The following CHRNA1 variants were observed in gnomAD, a reference collection of about 807,000 sequenced individuals.
CHRNA1 encodes cholinergic receptor nicotinic alpha 1 subunit.
Under a neutral mutation model 47.1 loss-of-function variants are expected in CHRNA1, and 35 were observed. The ratio of observed to expected loss-of-function variants is 0.74; its 90% CI spans 0.57 to 0.99. The LOEUF (loss-of-function observed/expected upper bound fraction) is 0.99, where lower values mean the gene tolerates loss of function less well. Among genes scored for constraint, CHRNA1 ranks in the 50% least tolerant of loss-of-function variants. The pLI, the probability that CHRNA1 is intolerant of heterozygous loss-of-function variation, is 0.00. For synonymous variants in CHRNA1, 229 were observed against 223.6 expected, an observed-to-expected ratio of 1.02 and a Z score of -0.22; for missense variants, 506 against 591.1, an observed-to-expected ratio of 0.86 and a Z score of 1.49.
rs766019642 is a variant in CHRNA1, at chr2:174,754,309, GA to G, written c.449del (p.Ile150ThrfsTer15). 8.1e-6 allele frequency: 13 copies of G among 1,614,128 alleles called. No individual in the cohort carries two copies. Among genetic ancestry groups the G allele is most frequent in the Non-Finnish European group, 1.1e-5 (13 of 1,180,056 alleles). ...CATCAAAGGGAAAGTGGGTGACGATGATCTCACAGTAGCTTTTAAAGATGGC... is the reference window on the plus strand; with the variant it reads ...CATCAAAGGGAAAGTGGGTGACGATGTCTCACAGTAGCTTTTAAAGATGGC... ...PPAIFKSYCE[I>X]IVTHFPFDEQ... On this transcript the variant is annotated frameshift_variant, in exon 5 of 9. Coordinates refer to ENST00000348749, the MANE Select transcript of CHRNA1 (RefSeq NM_000079.4). LOFTEE classifies it high-confidence loss of function.
rs766527459 is a variant in CHRNA1, at chr2:174,748,085, T to C, written c.*39A>G. ...CCTCTCCTGCCCTTCTCTGCTCTGG[T>C]AGGTTCCAGGGCAGAGCTAAGCTCA... On this transcript the variant is annotated 3_prime_UTR_variant, in exon 9 of 9. Transcript: ENST00000348749. 1.2e-6 allele frequency: 2 copies of C among 1,612,710 alleles called. No homozygotes were observed.
At position 174,755,480 on chromosome 2, in the gene CHRNA1, C is replaced by T. The variant is rs1201435752; in HGVS notation, c.345-1066G>A. On this transcript the variant is annotated intron_variant, in intron 4 of 8. Transcript: ENST00000348749. ...TGTTGCCCAGGCTGGAGTGCAGTGG[C>T]GTGATATCGGCTCACTGCAAGCTCT... is the stretch of plus-strand genomic sequence containing the variant. Among the ~76,000 whole-genome samples the T allele has an allele frequency of 5.3e-5, 8 of 151,246 alleles. No individual in the cohort carries two copies. In the East Asian group the frequency reaches 1.4e-3, roughly 26 times the overall value.
chr2:174,755,232 C>T (rs35840379), intron 4 of CHRNA1, among the ~76,000 whole-genome samples: 2,553 of 152,036 alleles, frequency 0.017, 83 homozygotes, highest in African/African-American at 0.058. Context: ...GGGGTGGACT[C>T]ACAAACTCAG....
chr2:174,750,094 G>A lies in CHRNA1; in HGVS notation c.854C>T (p.Pro285Leu), dbSNP rs1683818340. ...VFLLVIVELI[P>L]STSSAVPLIG... ...CAAGGGCACAGCACTGGACGTGGAG[G>A]GGATCAGCTCCACGATGACCAGAAG... Residue 285 changes from proline to leucine, a missense_variant, in exon 7 of 9, where the codon CCC becomes CTC. Coordinates refer to ENST00000348749, the MANE Select transcript of CHRNA1 (RefSeq NM_000079.4). 6.2e-7 allele frequency: 1 copy of A among 1,613,652 alleles called. No individual in the cohort carries two copies. The highest frequency in any genetic ancestry group is 8.5e-7 in the Non-Finnish European group (1 of 1,179,948).
intron 4 of CHRNA1, among the ~76,000 whole-genome samples, chr2:174,755,498 C>A (rs1251693745): frequency 6.6e-6 from 1 of 151,782 alleles, no homozygotes; most frequent in South Asian, 2.1e-4. Flanking sequence ...CGGCTCACTG[C>A]AAGCTCTGTC....
intron 3 of CHRNA1, chr2:174,758,015 G>A (rs1027652973): frequency 2.5e-6 from 4 of 1,613,906 alleles, no homozygotes; most frequent in African/African-American, 1.3e-5. Flanking sequence ...GATCTACCAT[G>A]TCACCCTGTC....
chr2:174,759,835 C>T (rs1684067105), intron 1 of CHRNA1, among the ~76,000 whole-genome samples: 1 of 151,852 alleles, frequency 6.6e-6, no homozygotes, highest in African/African-American at 2.4e-5. Context: ...GGTCCCTTAC[C>T]CGGTGACAGT....
Position 174,748,622 on chromosome 2 carries a change from C to T in CHRNA1, c.1200G>A (p.Lys400=), listed in dbSNP as rs748978365. Residue 400 remains lysine (K), a synonymous_variant, in exon 8 of 9, where the codon AAG becomes AAA. Coordinates refer to ENST00000348749, the MANE Select transcript of CHRNA1 (RefSeq NM_000079.4). ...PEVKSAIEGI[K]YIAETMKSDQ... ...CTGACTTCATGGTCTCTGCGATGTA[C>T]TTGATGCCCTCGATGGCACTTTTCA... The T allele has an allele frequency of 6.2e-7, 1 of 1,614,112 alleles. No homozygotes were observed. The highest frequency in any genetic ancestry group is 2.2e-5 in the East Asian group (1 of 44,878).
intron 1 of CHRNA1, among the ~76,000 whole-genome samples, chr2:174,760,302 T>G (rs1328692907): frequency 1.3e-5 from 2 of 152,126 alleles, no homozygotes; most frequent in Non-Finnish European, 2.9e-5. Context: ...CAAGTGTCCA[T>G]CAACAGGTAA....
At position 174,750,155 on chromosome 2, in the gene CHRNA1, G is replaced by C. The variant is rs780531882; in HGVS notation, c.793C>G (p.Leu265Val). The change falls in exon 7 of 9, where the codon CTG (leucine) becomes GTG (valine). Residue 265 changes from leucine to valine, a missense_variant. Physicochemically the swap from Leu to Val is conservative, Grantham distance 32. Coordinates refer to ENST00000348749, the MANE Select transcript of CHRNA1 (RefSeq NM_000079.4). ...LPTDSGEKMT[L>V]SISVLLSLTV... is the part of the protein sequence containing the mutation. ...AAAGACAGTAAGACAGAGATGCTCAGAGTCATCTTCTCCCCTGAAAAGACC... is the reference window on the plus strand; with the variant it reads ...AAAGACAGTAAGACAGAGATGCTCACAGTCATCTTCTCCCCTGAAAAGACC... The C allele has an allele frequency of 1.9e-6, 3 of 1,603,256 alleles. No individual in the cohort carries two copies. The highest frequency in any genetic ancestry group is 2.2e-5 in the South Asian group (2 of 90,636).
Position 174,748,694 on chromosome 2 carries a change from C to A in CHRNA1, c.1128G>T (p.Gly376=), listed in dbSNP as rs1314296013. Residue 376 remains glycine (G), a synonymous_variant, in exon 8 of 9, where the codon GGG becomes GGT. Coordinates refer to ENST00000348749, the MANE Select transcript of CHRNA1 (RefSeq NM_000079.4). Reference sequence around the variant, plus strand: ...GAGAGTGGAAGCCCATGGGTGGAGGCCCTGGCTTTCCAGAAATGTCAGAGA... The same window carrying A: ...GAGAGTGGAAGCCCATGGGTGGAGGACCTGGCTTTCCAGAAATGTCAGAGA... The part of the protein sequence containing the change: ...IDISDISGKP[G]PPPMGFHSPL... 12 of 1,614,064 alleles carry A rather than the reference C, an allele frequency of 7.4e-6. No individual in the cohort carries two copies. Among genetic ancestry groups the A allele is most frequent in the Admixed American group, 6.7e-5 (4 of 60,004 alleles).
intron 8 of CHRNA1, 74 bp from the exon 9 acceptor site, chr2:174,748,329 C>G (rs960188332): frequency 6.3e-7 from 1 of 1,594,302 alleles, no homozygotes; most frequent in Admixed American, 1.7e-5. Context: ...TGCTTTGCAT[C>G]AACTATGGGC....
intron 6 of CHRNA1, among the ~76,000 whole-genome samples, chr2:174,752,253 A>G (rs1335100069): frequency 6.6e-6 from 1 of 151,762 alleles, no homozygotes. Flanking sequence ...AGTTGAAAGA[A>G]TTGTGTTTGT....
chr2:174,759,347 T>C lies in CHRNA1; in HGVS notation c.218A>G (p.Asn73Ser), dbSNP rs141121555. ...VDEVNQIVTT[N>S]VRLKQQWVDY... is the part of the protein sequence containing the mutation. ...CTAAGTTACCTGTTTCAGACGCACA[T>C]TGGTTGTCACGATCTGATTTACTTC... is the stretch of plus-strand genomic sequence containing the variant. The change falls in exon 3 of 9, where the codon AAT (asparagine) becomes AGT (serine). Residue 73 changes from asparagine (N) to serine (S), a missense_variant. Transcript: ENST00000348749. The C allele has an allele frequency of 6.2e-7, 1 of 1,614,036 alleles. No individual in the cohort carries two copies. The highest frequency in any genetic ancestry group is 8.5e-7 in the Non-Finnish European group (1 of 1,179,980).
intron 4 of CHRNA1, 122 bp from the exon 5 acceptor site, chr2:174,754,536 C>T (rs1380782421): frequency 2.3e-5 from 19 of 828,622 alleles, no homozygotes; most frequent in Non-Finnish European, 3.2e-5. Context: ...AGCTCTGTTT[C>T]GGGCAGCGTC....
At chr2:174,748,446 C>A in intron 8 of CHRNA1, 134 bp downstream of exon 8, 1 of 1,393,152 alleles carries the variant, frequency 7.2e-7, no homozygotes. Context: ...GGTCTAGAGG[C>A]GGTCACCAGG....
intron 4 of CHRNA1, among the ~76,000 whole-genome samples, chr2:174,757,196 C>T (rs1683995797): frequency 6.6e-6 from 1 of 152,192 alleles, no homozygotes; most frequent in African/African-American, 2.4e-5. Context: ...CAGGGGCTCT[C>T]AGGGATCAAA....
chr2:174,755,364 G>A (rs1683959523), intron 4 of CHRNA1, among the ~76,000 whole-genome samples: 1 of 152,046 alleles, frequency 6.6e-6, no homozygotes, highest in Non-Finnish European at 1.5e-5. Context: ...ATGTGGGAAT[G>A]AAGGCCCAAT....
intron 6 of CHRNA1, among the ~76,000 whole-genome samples, chr2:174,751,840 G>A (rs1186105117): frequency 4.0e-5 from 6 of 151,688 alleles, no homozygotes; most frequent in Admixed American, 3.3e-4. Flanking sequence ...CACCACACCT[G>A]GCTAATTTTT....
Sources: gnomAD v4.1 joint callset for allele counts (sites outside exome capture counted in the v4.1 genomes callset) on GRCh38, gnomAD v4.1.1 for gene constraint, MANE v1.5 for transcripts, NCBI Gene and HGNC (gene_info 2026-07-23, HGNC 2026-07-21) for gene names.